Variants in OTUD7B observed in about 807,000 individuals in gnomAD.
OTUD7B encodes OTU domain-containing protein 7B.
Under a neutral mutation model 82.2 loss-of-function variants are expected in OTUD7B, and 34 were observed. The observed-to-expected ratio is 0.41, with a 90% confidence interval of 0.31 to 0.55. The LOEUF (loss-of-function observed/expected upper bound fraction) is 0.55. OTUD7B is among the 20% of genes least tolerant of loss of function. The pLI is 0.20. For synonymous variants in OTUD7B, 398 were observed against 402.7 expected, an observed-to-expected ratio of 0.99 and a Z score of 0.14; for missense variants, 944 against 1,062.1, an observed-to-expected ratio of 0.89 and a Z score of 1.55.
chr1:150,052,332 A>C, the OTUD7B span, among the ~76,000 whole-genome samples: 2 of 152,194 alleles, frequency 1.3e-5, no homozygotes, highest in Non-Finnish European at 2.9e-5. Context: ...CAGGATGTAA[A>C]ATAAATGTAC....
chr1:149,967,503 C>T lies in OTUD7B; in HGVS notation c.293G>A (p.Gly98Asp), dbSNP rs1553776897. The part of the protein sequence containing the change: ...DIVQEKRLSR[G>D]ISHASSSIVS... ...AATGCTGGAGCTGGCGTGGGAGATG[C>T]CCCTAGACAGGCGTTTTTCTGCAAT... The change falls in exon 4 of 12, where the codon GGC becomes GAC. Residue 98 changes from glycine to aspartate, a missense_variant. Physicochemically the swap from Gly to Asp is moderately conservative, Grantham distance 94 (BLOSUM62 -1). Around this residue, in one of 3 missense-constraint regions of OTUD7B, gnomAD observed 530 missense variants for 625.6 expected, o/e 0.85. Transcript: ENST00000581312. The T allele has an allele frequency of 1.2e-6, 2 of 1,602,106 alleles. No homozygotes were observed. The highest frequency in any genetic ancestry group is 1.7e-6 in the Non-Finnish European group (2 of 1,174,116).
chr1:149,952,467 G>T (rs1648338613), intron 7 of OTUD7B, among the ~76,000 whole-genome samples: 1 of 152,220 alleles, frequency 6.6e-6, no homozygotes, highest in Non-Finnish European at 1.5e-5. Flanking sequence ...CATTTGGGTT[G>T]GTTCCAGGTC....
chr1:150,047,981 A>G, the OTUD7B span: 3 of 152,254 alleles, frequency 2.0e-5, no homozygotes, highest in East Asian at 5.8e-4. Flanking sequence ...TAATTTAAAC[A>G]TCTTAATTAA....
At chr1:149,960,413 T>TTTTTTTTTTTTTTTTTG in intron 6 of OTUD7B, among the ~76,000 whole-genome samples, 1 of 72,572 alleles carries the variant, frequency 1.4e-5, no homozygotes, top group Non-Finnish European at 2.4e-5. Flanking sequence ...TTTTTTTTTG[T>TTTTTTTTTTTTTTTTTG]AGACAGAGTC....
chr1:149,969,626 G>GCTTTTAAAATCAT (rs782373278), intron 3 of OTUD7B, among the ~76,000 whole-genome samples: 9 of 152,092 alleles, frequency 5.9e-5, no homozygotes, highest in Admixed American at 1.3e-4. Context: ...TGCATGTACA[G>GCTTTTAAAATCAT]CTTTTAAAAT....
At chr1:150,028,046 T>A in the OTUD7B span, among the ~76,000 whole-genome samples, 1 of 152,214 alleles carries the variant, frequency 6.6e-6, no homozygotes, top group Non-Finnish European at 1.5e-5. Flanking sequence ...GAAAATTAAC[T>A]TTTTAGATAG....
intron 1 of OTUD7B, among the ~76,000 whole-genome samples, chr1:149,994,584 CAAAA>C (rs796210721): frequency 2.4e-5 from 1 of 41,064 alleles, no homozygotes; most frequent in Non-Finnish European, 5.1e-5. Context: ...GACTCCATCT[CAAAA>C]AAAAAAAAAA....
the OTUD7B span, among the ~76,000 whole-genome samples, chr1:150,033,368 C>T: frequency 0.045 from 6,892 of 152,114 alleles, 498 homozygotes; most frequent in African/African-American, 0.16. Context: ...ATATTCTTCC[C>T]TCCAGCCTCC....
chr1:149,984,660 A>G (rs1416686767), intron 1 of OTUD7B, among the ~76,000 whole-genome samples: 1 of 152,202 alleles, frequency 6.6e-6, no homozygotes, highest in Non-Finnish European at 1.5e-5. Context: ...TCACCTGGGA[A>G]TCATACAGGC....
intron 1 of OTUD7B, among the ~76,000 whole-genome samples, chr1:150,005,687 T>C (rs587672951): frequency 2.1e-4 from 32 of 152,194 alleles, no homozygotes; most frequent in African/African-American, 7.7e-4. Flanking sequence ...GGACATACTT[T>C]CAAACAACTT....
In OTUD7B at chr1:149,964,433, T is replaced by C. The variant is rs1462407577; in HGVS notation, c.605-84A>G. On this transcript the variant is annotated intron_variant, in intron 5 of 11. Transcript: ENST00000581312. ...TTTTAGTAGAGATGGGGTTTCACCATGTTGGCCAGGCTGGTCTCAAACCCC... is the reference window on the plus strand; with the variant it reads ...TTTTAGTAGAGATGGGGTTTCACCACGTTGGCCAGGCTGGTCTCAAACCCC... 39 of 1,430,478 alleles carry C rather than the reference T, an allele frequency of 2.7e-5. 2 individuals carry two copies. Among genetic ancestry groups the C allele is most frequent in the Admixed American group, 3.8e-5 (2 of 52,998 alleles). The allele number at this position is 1,430,478 out of a possible 1,614,324, so 88.6% of individuals were successfully genotyped here.
chr1:150,008,861 T>A (rs111326454), intron 1 of OTUD7B, among the ~76,000 whole-genome samples: 3 of 152,230 alleles, frequency 2.0e-5, no homozygotes, highest in Non-Finnish European at 2.9e-5. Flanking sequence ...AATATTTGCA[T>A]TGATTTGCAA....
intron 2 of OTUD7B, among the ~76,000 whole-genome samples, chr1:149,974,535 T>TA (rs1390985886): frequency 1.4e-5 from 2 of 147,370 alleles, no homozygotes; most frequent in African/African-American, 5.0e-5. Context: ...TTTTCTTCTT[T>TA]TTTTTTCTTA....
chr1:150,023,882 T>C, the OTUD7B span, among the ~76,000 whole-genome samples: 2 of 152,232 alleles, frequency 1.3e-5, no homozygotes, highest in Non-Finnish European at 2.9e-5. Context: ...AAACATCACA[T>C]TTTACCCTTA....
At chr1:150,009,453 A>G (rs1553786819) in intron 1 of OTUD7B, among the ~76,000 whole-genome samples, 1 of 152,234 alleles carries the variant, frequency 6.6e-6, no homozygotes, top group African/African-American at 2.4e-5. Flanking sequence ...CTGAAAAATT[A>G]GCAGCATGTG....
the OTUD7B span, among the ~76,000 whole-genome samples, chr1:150,066,564 T>C: frequency 6.6e-6 from 1 of 152,216 alleles, no homozygotes; most frequent in African/African-American, 2.4e-5. This position sits in a 1 kb window ranked among gnomAD's most constrained non-coding sequence, Gnocchi z 4.6. Context: ...AATGTTAAAG[T>C]GCTATTGGTC....
At chr1:150,055,384 C>CAACA in the OTUD7B span, among the ~76,000 whole-genome samples, 2 of 150,524 alleles carry the variant, frequency 1.3e-5, no homozygotes, top group African/African-American at 4.9e-5. Context: ...TAACTGATAA[C>CAACA]AAAAAAAAAT....
Position 149,944,097 on chromosome 1 carries a change from C to G in OTUD7B, c.2292G>C (p.Leu764Phe). ...CAGCCACTCGGTAGGGGGGTGGTAA[C>G]AAGGCACCCCTGTGAAGTCCATCCT... Reference protein sequence around the residue: ...HSKDGLHRGALLPPPYRVADS... With the variant: ...HSKDGLHRGAFLPPPYRVADS... The change falls in exon 12 of 12, where the codon TTG becomes TTC. Residue 764 changes from leucine to phenylalanine, a missense_variant. Physicochemically the swap from Leu to Phe is conservative, Grantham distance 22 (BLOSUM62 0). Around this residue, in one of 3 missense-constraint regions of OTUD7B, gnomAD observed 412 missense variants for 418.7 expected, o/e 0.98. Transcript: ENST00000581312. The G allele has an allele frequency of 6.2e-7, 1 of 1,614,056 alleles. No homozygotes were observed. The highest frequency in any genetic ancestry group is 8.5e-7 in the Non-Finnish European group (1 of 1,179,974).
At chr1:149,987,569 CA>C (rs1651240807) in intron 1 of OTUD7B, among the ~76,000 whole-genome samples, 1 of 152,218 alleles carries the variant, frequency 6.6e-6, no homozygotes, top group Admixed American at 6.5e-5. Context: ...AAATCCTCAA[CA>C]ATTGTCAGTT....
Sources: gnomAD v4.1 joint callset for allele counts (sites outside exome capture counted in the v4.1 genomes callset) on GRCh38, gnomAD v4.1.1 for gene constraint, gnomAD v4.1.1 regional missense constraint, Gnocchi (gnomAD v3.1) non-coding constraint, MANE v1.5 for transcripts, NCBI Gene and HGNC (gene_info 2026-07-23, HGNC 2026-07-21) for gene names.